The following NALCN variants were observed in gnomAD, a reference collection of about 807,000 sequenced individuals.
NALCN encodes sodium leak channel, non-selective.
NALCN carries 111 observed loss-of-function variants against 225.3 expected under a neutral mutation model. That is an observed-to-expected ratio of 0.49 (90% CI 0.42 to 0.58). NALCN has a LOEUF of 0.58. Among genes scored for constraint, NALCN ranks in the 20% least tolerant of loss-of-function variants. The probability of loss-of-function intolerance (pLI) is 0.00; values close to 1 mark genes in which losing one functional copy is unlikely to be tolerated. For missense variants in NALCN, 1,378 were observed against 2,202.4 expected (o/e 0.63, Z 7.49); for synonymous variants, 764 against 769.0 (o/e 0.99, Z 0.11).
chr13:101,244,114 A>C (rs1419565015), intron 11 of NALCN, among the ~76,000 whole-genome samples: 1 of 152,152 alleles, frequency 6.6e-6, no homozygotes, highest in Non-Finnish European at 1.5e-5. Context: ...GGAAGCAGTA[A>C]TAGGCATTCA....
At chr13:101,271,354 T>C (rs1342137014) in intron 10 of NALCN, among the ~76,000 whole-genome samples, 1 of 152,062 alleles carries the variant, frequency 6.6e-6, no homozygotes, top group Non-Finnish European at 1.5e-5. Flanking sequence ...TATTTAGAAC[T>C]GAGGATTTAT....
chr13:101,207,033 A>C (rs2040340731), intron 13 of NALCN, among the ~76,000 whole-genome samples: 1 of 152,194 alleles, frequency 6.6e-6, no homozygotes, highest in Non-Finnish European at 1.5e-5. Flanking sequence ...AAAATTTTCA[A>C]AACAGTAAAT....
chr13:101,347,757 A>G (rs1267395868), intron 6 of NALCN, among the ~76,000 whole-genome samples: 1 of 152,168 alleles, frequency 6.6e-6, no homozygotes, highest in Non-Finnish European at 1.5e-5. Flanking sequence ...AGGTAGAGAG[A>G]GTAATCATAA....
intron 11 of NALCN, among the ~76,000 whole-genome samples, chr13:101,249,620 C>T (rs529736515): frequency 3.5e-4 from 53 of 152,184 alleles, no homozygotes; most frequent in Non-Finnish European, 6.9e-4. Context: ...ATCTATTATT[C>T]TAATATACTG....
At chr13:101,172,721 A>T (rs185217912) in intron 15 of NALCN, among the ~76,000 whole-genome samples, 76 of 148,404 alleles carry the variant, frequency 5.1e-4, no homozygotes, top group Non-Finnish European at 1.0e-3. Context: ...CACCACGCGC[A>T]GCTAATTTTT....
At chr13:101,175,589 T>C (rs1485648180) in intron 15 of NALCN, among the ~76,000 whole-genome samples, 2 of 152,152 alleles carry the variant, frequency 1.3e-5, no homozygotes, top group Non-Finnish European at 2.9e-5. Flanking sequence ...GGGAGGGTGA[T>C]ACAAGAACGT....
chr13:101,111,756 C>A (rs2035451756), intron 18 of NALCN, among the ~76,000 whole-genome samples: 1 of 152,150 alleles, frequency 6.6e-6, no homozygotes, highest in Non-Finnish European at 1.5e-5. Flanking sequence ...TTGTCTGCTG[C>A]CATATAAGAC....
At chr13:101,276,459 C>T (rs1159906997) in intron 10 of NALCN, among the ~76,000 whole-genome samples, 1 of 152,150 alleles carries the variant, frequency 6.6e-6, no homozygotes, top group Non-Finnish European at 1.5e-5. Flanking sequence ...TTCTGCTAGT[C>T]CTCCTGCTCC....
Position 101,237,904 on chromosome 13 carries a change from A to G in NALCN, c.1285T>C (p.Phe429Leu). ...ATCTTCAGAAGTGCTTCCAAATCAAAAAGTACTGTAAAAGCCACCTAGAGA... is the reference window on the plus strand; with the variant it reads ...ATCTTCAGAAGTGCTTCCAAATCAAGAAGTACTGTAAAAGCCACCTAGAGA... ...YLAEVAFTVL[F>L]DLEALLKIWC... The change falls in exon 12 of 44, where the codon TTT becomes CTT. Residue 429 changes from phenylalanine (F) to leucine (L), a missense_variant. Coordinates refer to ENST00000251127, the MANE Select transcript of NALCN (RefSeq NM_052867.4). The G allele has an allele frequency of 6.2e-7, 1 of 1,605,684 alleles. No individual in the cohort carries two copies. Among genetic ancestry groups the G allele is most frequent in the Non-Finnish European group, 8.5e-7 (1 of 1,176,802 alleles).
At chr13:101,244,650 C>T (rs904647846) in intron 11 of NALCN, among the ~76,000 whole-genome samples, 27 of 152,098 alleles carry the variant, frequency 1.8e-4, no homozygotes, top group Admixed American at 5.2e-4. Flanking sequence ...AAAAATATGC[C>T]TAACTTAACT....
In NALCN at chr13:101,303,073, C is replaced by T. The variant is rs376635580; in HGVS notation, c.800-10707G>A. ...AGAGAAGAATATGAGAAAATTGTAA[C>T]CAATTAACTTTTAAAACACTGTTGA... On this transcript the variant is annotated intron_variant, in intron 7 of 43. Transcript: ENST00000251127. Among the ~76,000 whole-genome samples, 28 of 152,208 alleles carry T rather than the reference C, an allele frequency of 1.8e-4. 1 individual carries two copies. Among genetic ancestry groups the T allele is most frequent in the African/African-American group, 5.5e-4 (23 of 41,534 alleles).
intron 15 of NALCN, among the ~76,000 whole-genome samples, chr13:101,150,072 A>C (rs1186480766): frequency 1.9e-5 from 2 of 107,298 alleles, no homozygotes; most frequent in Non-Finnish European, 1.9e-5. Context: ...GAATGAGTGA[A>C]CTACATCTCA....
rs554360357 is a variant in NALCN, at chr13:101,204,923, G to A, written c.1627-12869C>T. On this transcript the variant is annotated intron_variant, in intron 13 of 43. Transcript: ENST00000251127. ...CATTATTTAATATAATCTTAGCAATGACCCTGTGAAGTGATTACTGTAGAT... is the reference window on the plus strand; with the variant it reads ...CATTATTTAATATAATCTTAGCAATAACCCTGTGAAGTGATTACTGTAGAT... 5.9e-5 allele frequency among the ~76,000 whole-genome samples: 9 copies of A among 152,192 alleles called. No homozygotes were observed. In the South Asian group the frequency reaches 1.0e-3, roughly 18 times the overall value.
At chr13:101,177,350 T>C (rs2038998022) in intron 14 of NALCN, among the ~76,000 whole-genome samples, 1 of 150,956 alleles carries the variant, frequency 6.6e-6, no homozygotes, top group Non-Finnish European at 1.5e-5. Context: ...CAGCAACAGA[T>C]ACCTAATACA....
At chr13:101,123,186 C>G (rs1312986658) in intron 18 of NALCN, among the ~76,000 whole-genome samples, 1 of 152,210 alleles carries the variant, frequency 6.6e-6, no homozygotes, top group Non-Finnish European at 1.5e-5. Flanking sequence ...CTCTGGGAAC[C>G]CATTCACACA....
chr13:101,094,323 G>A (rs2034391011), intron 28 of NALCN, among the ~76,000 whole-genome samples: 1 of 152,096 alleles, frequency 6.6e-6, no homozygotes, highest in Admixed American at 6.5e-5. Context: ...CTGACGTTAA[G>A]TGATCCCCCT....
chr13:101,235,024 C>T (rs1241905078), intron 12 of NALCN, among the ~76,000 whole-genome samples: 2 of 151,642 alleles, frequency 1.3e-5, no homozygotes, highest in African/African-American at 4.8e-5. Context: ...TCTTTCTAGT[C>T]ATTTTTTTCC....
At position 101,074,722 on chromosome 13, in the gene NALCN, G is replaced by GAGAC. The variant is rs1178472741; in HGVS notation, c.3955-61_3955-60insGTCT. On this transcript the variant is annotated intron_variant, in intron 35 of 43. Transcript: ENST00000251127. The stretch of plus-strand genomic sequence containing the variant: ...AGAGAGAGAGAGAGAGACAGAGACA[G>GAGAC]AGAGAGAGAGAGAGAGAGAGAATAT... 1,702 of 210,628 alleles carry GAGAC rather than the reference G, an allele frequency of 8.1e-3. 2 individuals are homozygous for GAGAC. Among genetic ancestry groups the GAGAC allele is most frequent in the African/African-American group, 0.077 (1,102 of 14,394 alleles). The allele number at this position is 210,628 out of a possible 1,614,324, so 13.0% of individuals were successfully genotyped here.
intron 1 of NALCN, among the ~76,000 whole-genome samples, chr13:101,402,317 T>C (rs1049186691): frequency 5.9e-5 from 9 of 152,180 alleles, no homozygotes; most frequent in African/African-American, 1.9e-4. Context: ...TATCCATTAA[T>C]AAATCTTTTA....
Sources: gnomAD v4.1 joint callset for allele counts (sites outside exome capture counted in the v4.1 genomes callset) on GRCh38, gnomAD v4.1.1 for gene constraint, MANE v1.5 for transcripts, NCBI Gene and HGNC (gene_info 2026-07-23, HGNC 2026-07-21) for gene names.